Variants in FNDC3B observed in about 807,000 individuals in gnomAD.
FNDC3B encodes fibronectin type III domain-containing protein 3B.
A neutral mutation model predicts 151.5 loss-of-function variants in FNDC3B; 12 were observed. The observed-to-expected ratio is 0.08, with a 90% CI of 0.05 to 0.13. FNDC3B has a LOEUF of 0.13. FNDC3B is among the 10% of genes least tolerant of loss of function. FNDC3B has a pLI of 1.00. For missense variants in FNDC3B, 1,214 were observed against 1,505.3 expected (o/e 0.81, Z 3.20); for synonymous variants, 528 against 549.0 (o/e 0.96, Z 0.54).
At chr3:172,280,985 G>A (rs530272480) in intron 6 of FNDC3B, among the ~76,000 whole-genome samples, 2 of 151,744 alleles carry the variant, frequency 1.3e-5, no homozygotes, top group South Asian at 4.2e-4. Context: ...CTTGGTGTAG[G>A]AGATTTGTTT....
At chr3:172,055,248 C>T (rs559731935) in intron 1 of FNDC3B, among the ~76,000 whole-genome samples, 1 of 152,230 alleles carries the variant, frequency 6.6e-6, no homozygotes, top group Non-Finnish European at 1.5e-5. Flanking sequence ...TTTAGCAATA[C>T]ATATCTTAAT....
intron 20 of FNDC3B, among the ~76,000 whole-genome samples, chr3:172,346,765 A>G (rs780851215): frequency 3.9e-5 from 6 of 152,082 alleles, no homozygotes; most frequent in Non-Finnish European, 5.9e-5. Flanking sequence ...GGGCAGTGGC[A>G]CAATCTCGGC....
Position 172,112,606 on chromosome 3 carries a change from G to T in FNDC3B, c.111+16G>T, listed in dbSNP as rs1720033862. ...AGCTCAGCAGGTTGGTGTAGGAAGA[G>T]GGAAATTTAAGTCAAATTGTCTAAG... On this transcript the variant is annotated intron_variant, in intron 2 of 25. Coordinates refer to ENST00000415807, the MANE Select transcript of FNDC3B (RefSeq NM_022763.4). 2.6e-6 allele frequency: 4 copies of T among 1,557,494 alleles called. No homozygotes were observed. The East Asian group carries it at 9.0e-5, about 35-fold the overall frequency.
chr3:172,390,572 G>C (rs1001549190), intron 25 of FNDC3B, among the ~76,000 whole-genome samples: 6 of 150,904 alleles, frequency 4.0e-5, no homozygotes, highest in Non-Finnish European at 7.4e-5. Context: ...ACCAGGGTTT[G>C]TCTTGAACTC....
intron 1 of FNDC3B, among the ~76,000 whole-genome samples, chr3:172,106,093 G>A: frequency 6.6e-6 from 1 of 152,128 alleles, no homozygotes; most frequent in East Asian, 1.9e-4. Flanking sequence ...TATTTGATGG[G>A]TTTTGAATTG....
chr3:172,193,559 C>T (rs1172314717), intron 3 of FNDC3B, among the ~76,000 whole-genome samples: 1 of 151,098 alleles, frequency 6.6e-6, no homozygotes, highest in East Asian at 2.0e-4. Context: ...AAGGGGTCTG[C>T]TCTGCATGCC....
intron 16 of FNDC3B, among the ~76,000 whole-genome samples, chr3:172,339,077 A>G (rs1271290713): frequency 2.0e-5 from 3 of 152,100 alleles, no homozygotes; most frequent in Non-Finnish European, 2.9e-5. Context: ...GCTAATGCCA[A>G]AAACAGAGAG....
intron 25 of FNDC3B, among the ~76,000 whole-genome samples, chr3:172,385,554 A>C (rs1373100984): frequency 1.4e-5 from 2 of 146,414 alleles, no homozygotes; most frequent in Non-Finnish European, 1.5e-5. Flanking sequence ...TTCCCCCAAG[A>C]CCTTTTTTCT....
At chr3:172,111,594 T>A (rs1349460398) in intron 1 of FNDC3B, among the ~76,000 whole-genome samples, 1 of 152,220 alleles carries the variant, frequency 6.6e-6, no homozygotes, top group Non-Finnish European at 1.5e-5. Context: ...ATATATCTTT[T>A]GATACTTCCA....
At chr3:172,295,045 A>G (rs980085188) in intron 7 of FNDC3B, among the ~76,000 whole-genome samples, 2 of 152,226 alleles carry the variant, frequency 1.3e-5, no homozygotes, top group African/African-American at 2.4e-5. Flanking sequence ...GGCTTCTTCC[A>G]CATAATGTAG....
intron 1 of FNDC3B, chr3:172,046,902 G>A (rs1177557208): frequency 1.3e-5 from 2 of 152,150 alleles, no homozygotes; most frequent in African/African-American, 4.8e-5. Context: ...TTGGAATCTT[G>A]TATAGAGAAC....
rs2108700103 is a variant in FNDC3B, at chr3:172,206,440, C to T, written c.188-20431C>T. ...TTGGGAGGCCAAGGCTGGTGGATCA[C>T]CTGAGCTCAGGAGTTTGAGACCAGC... On this transcript the variant is annotated intron_variant, in intron 3 of 25. Transcript: ENST00000415807. 1.3e-5 allele frequency among the ~76,000 whole-genome samples: 2 copies of T among 152,186 alleles called. 1 individual carries two copies. The highest frequency in any genetic ancestry group is 6.8e-3 in the Middle Eastern group (2 of 294).
chr3:172,088,401 C>G (rs1718655463), intron 1 of FNDC3B, among the ~76,000 whole-genome samples: 1 of 152,192 alleles, frequency 6.6e-6, no homozygotes, highest in African/African-American at 2.4e-5. Flanking sequence ...AGATGGCCAC[C>G]ACGGTCATCT....
At chr3:172,181,403 AAAAAAAAAAAAC>A (rs1272827294) in intron 3 of FNDC3B, among the ~76,000 whole-genome samples, 3 of 145,608 alleles carry the variant, frequency 2.1e-5, no homozygotes, top group African/African-American at 7.5e-5. Context: ...TCCAAAAAAA[AAAAAAAAAAAAC>A]AAAAAAAAAC....
intron 3 of FNDC3B, among the ~76,000 whole-genome samples, chr3:172,218,345 A>G (rs1439108984): frequency 6.6e-6 from 1 of 152,024 alleles, no homozygotes; most frequent in African/African-American, 2.4e-5. Context: ...TTATTTTCTT[A>G]TTTTTTAATA....
intron 23 of FNDC3B, among the ~76,000 whole-genome samples, chr3:172,378,021 A>C (rs771018742): frequency 2.3e-4 from 35 of 152,172 alleles, no homozygotes; most frequent in Non-Finnish European, 4.3e-4. Context: ...TGTTTCTAGA[A>C]TCTAGATCCT....
chr3:172,232,575 T>C (rs1425686175), intron 4 of FNDC3B, among the ~76,000 whole-genome samples: 1 of 152,220 alleles, frequency 6.6e-6, no homozygotes, highest in Admixed American at 6.5e-5. Flanking sequence ...GTGGTGTGTT[T>C]TGTGCCTTAT....
At chr3:172,138,278 G>C (rs1173560144) in intron 3 of FNDC3B, among the ~76,000 whole-genome samples, 1 of 152,186 alleles carries the variant, frequency 6.6e-6, no homozygotes, top group Non-Finnish European at 1.5e-5. Flanking sequence ...AGTTGTGACA[G>C]GAAACAGTGT....
intron 11 of FNDC3B, among the ~76,000 whole-genome samples, chr3:172,311,751 G>A (rs867555156): frequency 2.1e-4 from 32 of 150,006 alleles, no homozygotes; most frequent in Middle Eastern, 6.9e-3. Context: ...AGTGGCGGGC[G>A]CCTGTAGTCC....
Sources: allele counts gnomAD v4.1 joint callset (sites outside exome capture counted in the v4.1 genomes callset), GRCh38; gene constraint gnomAD v4.1.1; transcripts MANE v1.5; gene names NCBI Gene and HGNC (gene_info 2026-07-23, HGNC 2026-07-21).